The following LRRK2 variants were observed in gnomAD, a reference collection of about 807,000 sequenced individuals.
LRRK2 encodes the protein leucine rich repeat kinase 2.
Under a neutral mutation model 302.6 loss-of-function variants are expected in LRRK2, and 203 were observed. The ratio of observed to expected loss-of-function variants is 0.67; its 90% CI spans 0.60 to 0.75. The LOEUF (loss-of-function observed/expected upper bound fraction) is 0.75. Ranked by LOEUF, LRRK2 falls within the 30% of genes least tolerant of loss-of-function variation. LRRK2 has a pLI of 0.00. For synonymous variants in LRRK2, 1,066 were observed against 1,031.9 expected, an observed-to-expected ratio of 1.03 and a Z score of -0.63; for missense variants, 2,830 against 2,951.0, an observed-to-expected ratio of 0.96 and a Z score of 0.95.
intron 18 of LRRK2, among the ~76,000 whole-genome samples, chr12:40,280,810 T>G (rs899773731): frequency 2.0e-5 from 3 of 151,598 alleles, no homozygotes; most frequent in Non-Finnish European, 2.9e-5. Flanking sequence ...CTCACGCCTG[T>G]AATCCCAGCA....
In LRRK2 at chr12:40,298,419, A is replaced by G. The variant is rs201784105; in HGVS notation, c.3273A>G (p.Ser1091=). 6.2e-7 allele frequency: 1 copy of G among 1,613,842 alleles called. No homozygotes were observed. The highest frequency in any genetic ancestry group is 1.7e-5 in the Admixed American group (1 of 59,978). ...CAACTCTGAAACAGTTTAACCTGTC[A>G]TATAACCAGCTGTCTTTTGTACCTG... is the stretch of plus-strand genomic sequence containing the variant. ...KCPTLKQFNL[S]YNQLSFVPEN... The change falls in exon 24 of 51, where the codon TCA becomes TCG. Residue 1091 remains serine, a synonymous_variant. Coordinates refer to ENST00000298910, the MANE Select transcript of LRRK2 (RefSeq NM_198578.4).
chr12:40,342,201 G>A (rs1391880499), intron 41 of LRRK2, among the ~76,000 whole-genome samples: 2 of 152,160 alleles, frequency 1.3e-5, no homozygotes, highest in African/African-American at 4.8e-5. Context: ...TCTTCACTCT[G>A]TGGTCTAGGC....
Position 40,295,632 on chromosome 12 carries a change from A to G in LRRK2, c.3084A>G (p.Gln1028=). 1 of 1,613,776 alleles carries G rather than the reference A, an allele frequency of 6.2e-7. No individual in the cohort carries two copies. The highest frequency in any genetic ancestry group is 8.5e-7 in the Non-Finnish European group (1 of 1,179,810). The change falls in exon 23 of 51, where the codon CAA becomes CAG. Residue 1028 remains glutamine, a synonymous_variant. Coordinates refer to ENST00000298910, the MANE Select transcript of LRRK2 (RefSeq NM_198578.4). ...AGAATGCACTCACGAGCTTTCCACA[A>G]CAGCTATGTGAAGTAAATTTAATTT... ...LHQNALTSFP[Q]QLCETLKSLT...
chr12:40,262,635 T>A (rs1458026775), intron 13 of LRRK2, among the ~76,000 whole-genome samples: 15 of 152,306 alleles, frequency 9.8e-5, no homozygotes, highest in Admixed American at 2.6e-4. Flanking sequence ...TATATCCATT[T>A]GAATAGTAGG....
intron 44 of LRRK2, among the ~76,000 whole-genome samples, chr12:40,353,623 C>G (rs1367832504): frequency 6.6e-6 from 1 of 152,124 alleles, no homozygotes; most frequent in Non-Finnish European, 1.5e-5. Context: ...TTTGGGAGGC[C>G]AAGGCAGGCG....
chr12:40,284,575 G>T (rs1007378549), intron 19 of LRRK2, among the ~76,000 whole-genome samples: 5 of 151,672 alleles, frequency 3.3e-5, no homozygotes. Flanking sequence ...TATTTATTTG[G>T]CATTTTTAAC....
intron 7 of LRRK2, 77 bp from the exon 8 acceptor site, chr12:40,249,749 T>C: frequency 2.0e-6 from 3 of 1,475,240 alleles, no homozygotes; most frequent in Middle Eastern, 3.6e-4. Context: ...AAATTATTGA[T>C]GTAAATAGTG....
At position 40,356,119 on chromosome 12, in the gene LRRK2, CAA is replaced by C. The variant is rs1475627513; in HGVS notation, c.6781_6782del (p.Asn2261PhefsTer8). ...YCNSFSKQSK[Q>X]KNFLLVGTAD... ...TTTCAACATTTTTCCTTTTAGCAAACAAAAAAATTTTCTTTTGGTTGGAACCG... is the reference window on the plus strand; with the variant it reads ...TTTCAACATTTTTCCTTTTAGCAAACAAAAATTTTCTTTTGGTTGGAACCG... On this transcript the variant is annotated frameshift_variant, in exon 46 of 51. Transcript: ENST00000298910. LOFTEE classifies it high-confidence loss of function. 1 of 1,609,112 alleles carries C rather than the reference CAA, an allele frequency of 6.2e-7. No homozygotes were observed. Among genetic ancestry groups the C allele is most frequent in the East Asian group, 2.2e-5 (1 of 44,762 alleles).
chr12:40,235,545 AG>A lies in LRRK2; in HGVS notation c.348-79del. 3 of 879,968 alleles carry A rather than the reference AG, an allele frequency of 3.4e-6. No homozygotes were observed. The Admixed American group carries it at 5.5e-5, about 16-fold the overall frequency. The allele number at this position is 879,968 out of a possible 1,614,324, so 54.5% of individuals were successfully genotyped here. A position where few individuals can be genotyped will look rare whatever the true frequency, so the allele number is the denominator to read the frequency against. On this transcript the variant is annotated intron_variant, in intron 3 of 50. Transcript: ENST00000298910. ...AAATACAATGAGAGTAATAAAAAATAGGTGAGCAAAAAAAATGCAAATAAGC... is the reference window on the plus strand; with the variant it reads ...AAATACAATGAGAGTAATAAAAAATAGTGAGCAAAAAAAATGCAAATAAGC...
chr12:40,364,996 C>A lies in LRRK2; in HGVS notation c.7336C>A (p.Arg2446Ser). The A allele has an allele frequency of 6.2e-7, 1 of 1,612,534 alleles. No individual in the cohort carries two copies. Among genetic ancestry groups the A allele is most frequent in the Non-Finnish European group, 8.5e-7 (1 of 1,179,018 alleles). Residue 2446 changes from arginine (R) to serine (S), a missense_variant, in exon 49 of 51, where the codon CGT becomes AGT. Arg to Ser is a moderately radical substitution (Grantham distance 110). Transcript: ENST00000298910. ...GGATCTTTCAACTCGTCGACTTATA[C>A]GTGTAATTTACAACTTTTGTAATTC... ...LLDLSTRRLI[R>S]VIYNFCNSVR...
At chr12:40,303,039 C>T (rs1592256697) in intron 26 of LRRK2, among the ~76,000 whole-genome samples, 157 bp downstream of exon 26, 1 of 151,932 alleles carries the variant, frequency 6.6e-6, no homozygotes, top group South Asian at 2.1e-4. Context: ...ATAAAAGACC[C>T]AACTCATTAC....
intron 40 of LRRK2, among the ~76,000 whole-genome samples, chr12:40,339,416 G>A (rs942060356): frequency 1.3e-5 from 2 of 152,184 alleles, no homozygotes; most frequent in Non-Finnish European, 2.9e-5. Flanking sequence ...GATGCGGTAA[G>A]CTCTTTGACC....
At chr12:40,307,418 A>G (rs137867807) in intron 28 of LRRK2, among the ~76,000 whole-genome samples, 135 of 152,186 alleles carry the variant, frequency 8.9e-4, no homozygotes, top group African/African-American at 9.6e-4. Context: ...TGACTCTACT[A>G]TTAGTTTAAA....
At position 40,367,694 on chromosome 12, in the gene LRRK2, C is replaced by A. The variant is rs753832208; in HGVS notation, c.7513C>A (p.Gln2505Lys). The A allele has an allele frequency of 1.9e-6, 3 of 1,602,544 alleles. No homozygotes were observed. Among genetic ancestry groups the A allele is most frequent in the Non-Finnish European group, 2.6e-6 (3 of 1,173,466 alleles). Reference sequence around the variant, plus strand: ...GGACATCAATCTTCCACATGAAGTGCAAAATTTAGAAAAACACATTGAAGT... The same window carrying A: ...GGACATCAATCTTCCACATGAAGTGAAAAATTTAGAAAAACACATTGAAGT... ...VWDINLPHEV[Q>K]NLEKHIEVRK... is the part of the protein sequence containing the mutation. The change falls in exon 51 of 51, where the codon CAA (glutamine) becomes AAA (lysine). Residue 2505 changes from glutamine (Q) to lysine (K), a missense_variant. Physicochemically the swap from Gln to Lys is moderately conservative, Grantham distance 53. Around this residue, in one of 3 missense-constraint regions of LRRK2, gnomAD observed 456 missense variants for 456.3 expected, o/e 1.00. Transcript: ENST00000298910.
chr12:40,281,607 T>A (rs185020275), intron 18 of LRRK2, among the ~76,000 whole-genome samples: 4 of 152,366 alleles, frequency 2.6e-5, no homozygotes, highest in African/African-American at 9.6e-5. Flanking sequence ...CTGAAATTAC[T>A]TTCATAAATA....
intron 24 of LRRK2, among the ~76,000 whole-genome samples, chr12:40,298,874 CTATATATAATA>C (rs1944507266): frequency 1.2e-4 from 1 of 8,240 alleles, no homozygotes; most frequent in African/African-American, 4.4e-4. Context: ...TATATATATA[CTATATATAATA>C]CTTATTATAT....
chr12:40,295,880 G>A (rs1944368753), intron 23 of LRRK2, among the ~76,000 whole-genome samples: 1 of 152,132 alleles, frequency 6.6e-6, no homozygotes. Context: ...GTTCTGTACG[G>A]AGTACATGTT....
intron 11 of LRRK2, among the ~76,000 whole-genome samples, chr12:40,254,403 T>G (rs751265928): frequency 2.0e-5 from 3 of 152,056 alleles, no homozygotes; most frequent in Non-Finnish European, 4.4e-5. Flanking sequence ...ACGCTTGGAG[T>G]GGCCAGGGCA....
intron 44 of LRRK2, among the ~76,000 whole-genome samples, chr12:40,352,095 G>A (rs766058456): frequency 1.8e-4 from 27 of 152,190 alleles, no homozygotes; most frequent in Non-Finnish European, 3.2e-4. Flanking sequence ...ATGAATAGGA[G>A]CACAGAATTT....
Sources: allele counts gnomAD v4.1 joint callset (sites outside exome capture counted in the v4.1 genomes callset), GRCh38; gene constraint gnomAD v4.1.1; regional missense constraint gnomAD v4.1.1; transcripts MANE v1.5; gene names NCBI Gene and HGNC (gene_info 2026-07-23, HGNC 2026-07-21).